Variants in DOCK4 observed in about 807,000 individuals in gnomAD.
DOCK4 encodes dedicator of cytokinesis 4, also known as dedicator of cytokinesis protein 4.
Under a neutral mutation model 268.1 loss-of-function variants are expected in DOCK4, and 97 were observed. The observed-to-expected ratio is 0.36, with a 90% CI of 0.31 to 0.43. The LOEUF (loss-of-function observed/expected upper bound fraction) is 0.43. DOCK4 is among the 20% of genes least tolerant of loss of function. DOCK4 has a pLI of 1.00. For missense variants in DOCK4, 2,145 were observed against 2,455.7 expected, an observed-to-expected ratio of 0.87 and a Z score of 2.67; for synonymous variants, 954 against 887.2, an observed-to-expected ratio of 1.08 and a Z score of -1.34.
Position 111,782,888 on chromosome 7 carries a change from C to A in DOCK4, c.3561G>T (p.Lys1187Asn). 6.2e-7 allele frequency: 1 copy of A among 1,613,524 alleles called. No homozygotes were observed. The highest frequency in any genetic ancestry group is 8.5e-7 in the Non-Finnish European group (1 of 1,179,756). ...CMKMGEVDGK[K>N]IGCTVSLLNF... ...CCAGAAGGCTAACTGTGCAGCCAAT[C>A]TTTTTGCCATCTACCTCTCCCATTT... Residue 1187 changes from lysine (K) to asparagine (N), a missense_variant, in exon 35 of 53, where the codon AAG becomes AAT. Lys to Asn is a moderately conservative substitution (Grantham distance 94). This residue lies in a region of DOCK4 where 1,598 missense variants were observed against 1,986.7 expected (regional missense o/e 0.80). Transcript: ENST00000428084.
intron 30 of DOCK4, among the ~76,000 whole-genome samples, chr7:111,798,969 T>C (rs1295163724): frequency 1.3e-5 from 2 of 152,210 alleles, no homozygotes; most frequent in Non-Finnish European, 2.9e-5. Flanking sequence ...CAAGAATGCA[T>C]TGCAGGGGAC....
At chr7:112,055,587 T>C (rs1805738805) in intron 1 of DOCK4, among the ~76,000 whole-genome samples, 1 of 152,244 alleles carries the variant, frequency 6.6e-6, no homozygotes, top group Middle Eastern at 3.4e-3. Flanking sequence ...CCTGTTGTAC[T>C]GCAAAAGACG....
chr7:111,828,735 A>T (rs1802581764), intron 26 of DOCK4, among the ~76,000 whole-genome samples: 1 of 152,036 alleles, frequency 6.6e-6, no homozygotes, highest in Non-Finnish European at 1.5e-5. Flanking sequence ...CTAATGGCAA[A>T]AATCAGAAAT....
intron 41 of DOCK4, among the ~76,000 whole-genome samples, chr7:111,756,970 A>G (rs1797063324): frequency 6.6e-6 from 1 of 152,126 alleles, no homozygotes; most frequent in Non-Finnish European, 1.5e-5. Flanking sequence ...GGAGGAGGAC[A>G]GCAGTTCTCA....
rs145048675 is a variant in DOCK4 at position 112,190,615 on chromosome 7, G to C, written c.37+15487C>G. Among the ~76,000 whole-genome samples, 336 of 151,858 alleles carry C rather than the reference G, an allele frequency of 2.2e-3. 1 individual carries two copies. The highest frequency in any genetic ancestry group is 3.4e-3 in the Non-Finnish European group (232 of 67,974). ...CGGGATGAGATTGCAGACAGGGGCC[G>C]ATTTAGGAGGGAACTTGTGTACCAT... On this transcript the variant is annotated intron_variant, in intron 1 of 52. Coordinates refer to ENST00000428084, the MANE Select transcript of DOCK4 (RefSeq NM_001363540.2).
At chr7:112,153,129 T>C (rs150601316) in intron 1 of DOCK4, among the ~76,000 whole-genome samples, 2,186 of 152,304 alleles carry the variant, frequency 0.014, 31 homozygotes, top group Non-Finnish European at 0.024. Context: ...TTGCAGAATG[T>C]AGCACAATAA....
chr7:111,912,567 C>T (rs922337161), intron 13 of DOCK4, among the ~76,000 whole-genome samples: 12 of 151,234 alleles, frequency 7.9e-5, no homozygotes, highest in African/African-American at 2.9e-4. Flanking sequence ...GTAGCTTAGT[C>T]CTATTCTGAG....
chr7:111,881,670 CA>C (rs1411999648), intron 16 of DOCK4, among the ~76,000 whole-genome samples: 1 of 152,172 alleles, frequency 6.6e-6, no homozygotes, highest in Non-Finnish European at 1.5e-5. Flanking sequence ...GACTTGGAAG[CA>C]ACCTAAGTGT....
At chr7:111,933,101 TATATATACGTATATACAC>T in intron 12 of DOCK4, among the ~76,000 whole-genome samples, 1 of 139,458 alleles carries the variant, frequency 7.2e-6, no homozygotes, top group Admixed American at 7.1e-5. Context: ...TATATACACA[TATATATACGTATATACAC>T]ATATATATAC....
intron 1 of DOCK4, among the ~76,000 whole-genome samples, chr7:112,014,077 G>A (rs1192509321): frequency 6.6e-6 from 1 of 152,206 alleles, no homozygotes; most frequent in East Asian, 1.9e-4. Context: ...TACTCTCCAT[G>A]TGCCAGTATT....
chr7:111,921,049 A>C (rs564228370), intron 12 of DOCK4, among the ~76,000 whole-genome samples: 1 of 152,290 alleles, frequency 6.6e-6, no homozygotes, highest in South Asian at 2.1e-4. Context: ...TTGTTTATGT[A>C]AATAATATTT....
chr7:111,915,824 C>G lies in DOCK4; in HGVS notation c.1147G>C (p.Val383Leu). The change falls in exon 13 of 53, where the codon GTA becomes CTA. Residue 383 changes from valine to leucine, a missense_variant. This residue lies in a region of DOCK4 where 1,598 missense variants were observed against 1,986.7 expected (regional missense o/e 0.80). Coordinates refer to ENST00000428084, the MANE Select transcript of DOCK4 (RefSeq NM_001363540.2). ...REYSSVFSHG[V>L]SITRKLGFSN... ...AATCCCAGCTTCCTTGTTATGGATACTCCATGAGAAAATACTGATGAATAT... is the reference window on the plus strand; with the variant it reads ...AATCCCAGCTTCCTTGTTATGGATAGTCCATGAGAAAATACTGATGAATAT... 1 of 1,612,758 alleles carries G rather than the reference C, an allele frequency of 6.2e-7. No homozygotes were observed. Among genetic ancestry groups the G allele is most frequent in the Non-Finnish European group, 8.5e-7 (1 of 1,179,376 alleles).
At chr7:111,742,360 A>G (rs949977339) in intron 44 of DOCK4, among the ~76,000 whole-genome samples, 1 of 152,168 alleles carries the variant, frequency 6.6e-6, no homozygotes, top group African/African-American at 2.4e-5. Context: ...CTGATTTCAG[A>G]CTTAATTTTC....
chr7:112,123,349 T>C (rs1413551730), intron 1 of DOCK4, among the ~76,000 whole-genome samples: 1 of 152,138 alleles, frequency 6.6e-6, no homozygotes, highest in Non-Finnish European at 1.5e-5. Flanking sequence ...CAGTTCAGCA[T>C]GTCAAAGTGC....
rs946839617 is a variant in DOCK4, at chr7:111,863,467, C to T, written c.2378G>A (p.Ser793Asn). Reference sequence around the variant, plus strand: ...ATCCACATGCAGGATGGTCGGCAGACTGCCCAGGGTGTCCTGGACCAAGTT... The same window carrying T: ...ATCCACATGCAGGATGGTCGGCAGATTGCCCAGGGTGTCCTGGACCAAGTT... ...VANLVQDTLG[S>N]LPTILHVDDS... is the part of the protein sequence containing the mutation. The change falls in exon 23 of 53, where the codon AGT (serine) becomes AAT (asparagine). Residue 793 changes from serine (S) to asparagine (N), a missense_variant. Ser to Asn is a conservative substitution (Grantham distance 46). Transcript: ENST00000428084. 2.5e-6 allele frequency: 4 copies of T among 1,613,998 alleles called. No individual in the cohort carries two copies. The highest frequency in any genetic ancestry group is 3.4e-6 in the Non-Finnish European group (4 of 1,179,892).
chr7:111,992,942 T>C (rs1244315191), intron 5 of DOCK4, among the ~76,000 whole-genome samples: 1 of 152,142 alleles, frequency 6.6e-6, no homozygotes, highest in African/African-American at 2.4e-5. Flanking sequence ...AAAAAGGAGA[T>C]CTGCATTTCT....
At chr7:112,182,380 C>T (rs1482228061) in intron 1 of DOCK4, among the ~76,000 whole-genome samples, 1 of 152,060 alleles carries the variant, frequency 6.6e-6, no homozygotes, top group Non-Finnish European at 1.5e-5. Context: ...AAAAAGCAAG[C>T]TACAGAACAT....
intron 26 of DOCK4, among the ~76,000 whole-genome samples, chr7:111,831,463 C>T (rs554242006): frequency 7.4e-4 from 112 of 151,088 alleles, no homozygotes; most frequent in South Asian, 3.1e-3. Context: ...TCAGTGAATC[C>T]CCTTTCTTTC....
intron 1 of DOCK4, among the ~76,000 whole-genome samples, chr7:112,134,065 T>C (rs892053612): frequency 1.3e-5 from 2 of 152,232 alleles, no homozygotes; most frequent in African/African-American, 4.8e-5. Context: ...ATTTGACATT[T>C]AGAAAAATGT....
Sources: allele counts gnomAD v4.1 joint callset (sites outside exome capture counted in the v4.1 genomes callset), GRCh38; gene constraint gnomAD v4.1.1; regional missense constraint gnomAD v4.1.1; transcripts MANE v1.5; gene names NCBI Gene and HGNC (gene_info 2026-07-23, HGNC 2026-07-21).